The following HMX1 variants were observed in gnomAD, a reference collection of about 807,000 sequenced individuals.
The protein encoded by HMX1 is H6 family homeobox 1.
HMX1 carries 8 observed loss-of-function variants against 8.9 expected under a neutral mutation model. The ratio of observed to expected loss-of-function variants is 0.90; its 90% confidence interval spans 0.53 to 1.63. The LOEUF (loss-of-function observed/expected upper bound fraction) is 1.63, where lower values mean the gene tolerates loss of function less well. HMX1 is among the 40% of genes most tolerant of loss of function. The probability of loss-of-function intolerance (pLI) is 0.00; values close to 1 mark genes in which losing one functional copy is unlikely to be tolerated. For missense variants in HMX1, 621 were observed against 558.5 expected (o/e 1.11, Z -1.13); for synonymous variants, 311 against 283.4 (o/e 1.10, Z -0.98).
chr4:8,855,897 C>A (rs1252430363), intron 1 of HMX1, among the ~76,000 whole-genome samples: 2 of 152,146 alleles, frequency 1.3e-5, no homozygotes, highest in Admixed American at 6.5e-5. Flanking sequence ...GGTTCCTGTA[C>A]GGGGCCAGCC....
Position 8,868,118 on chromosome 4 carries a change from T to C in HMX1, c.622A>G (p.Thr208Ala). Residue 208 changes from threonine to alanine, a missense_variant, in exon 2 of 2, where the codon ACA (threonine) becomes GCA (alanine). By Grantham distance (58) the Thr-to-Ala change is moderately conservative. Transcript: ENST00000400677. The surrounding 1 kb of genome is among the most constrained non-coding windows in gnomAD (Gnocchi z 4.6). ...VGGGRKKKTR[T>A]VFSRSQVFQL... The stretch of plus-strand genomic sequence containing the variant: ...AAGACCTGGCTGCGGGAGAAGACTG[T>C]GCGCGTCTTCTTCTTTCGGCCGCCG... The C allele has an allele frequency of 2.0e-6, 3 of 1,517,542 alleles. No individual in the cohort carries two copies. The highest frequency in any genetic ancestry group is 2.6e-6 in the Non-Finnish European group (3 of 1,136,670). 94.0% of individuals were successfully genotyped at this position (1,517,542 alleles called of 1,614,324 possible).
At chr4:8,869,803 G>T (rs1020244968) in intron 1 of HMX1, among the ~76,000 whole-genome samples, 1 of 152,192 alleles carries the variant, frequency 6.6e-6, no homozygotes, top group East Asian at 1.9e-4. Context: ...ACCCTAACCC[G>T]CATGGCACGA....
At position 8,857,117 on chromosome 4, in the gene HMX1, C is replaced by T. The variant is rs138068314; in HGVS notation, c.395-10793G>A. Among the ~76,000 whole-genome samples the T allele has an allele frequency of 3.5e-4, 54 of 152,322 alleles. No individual in the cohort carries two copies. The East Asian group carries it at 9.3e-3, about 26-fold the overall frequency. ...GAAACTCTGGCTATCTCCAGGTAGT[C>T]GAACTTGGGATGCCTTTTGTTTTCA... On this transcript the variant is annotated intron_variant, in intron 1 of 1. Coordinates refer to the HMX1 transcript ENST00000506970.
intron 1 of HMX1, among the ~76,000 whole-genome samples, chr4:8,852,282 C>T (rs1287330148): frequency 6.6e-6 from 1 of 152,232 alleles, no homozygotes; most frequent in Non-Finnish European, 1.5e-5. Context: ...AGGGAGGTGT[C>T]GAACCTGCTG....
chr4:8,866,189 C>G (rs151048142), downstream of HMX1, among the ~76,000 whole-genome samples: 57 of 152,306 alleles, frequency 3.7e-4, no homozygotes, highest in African/African-American at 1.4e-3. Context: ...TAGAGACACA[C>G]AGATGCACTG....
At chr4:8,862,660 C>T (rs549683665), downstream of HMX1, among the ~76,000 whole-genome samples, 16 of 152,300 alleles carry the variant, frequency 1.1e-4, no homozygotes, top group African/African-American at 3.6e-4. Context: ...CACTCAAAGG[C>T]AGTTGGCTTT....
chr4:8,867,530 G>C lies in HMX1; in HGVS notation c.*163C>G. ...TTACATTCTAGAGGCGCTCCCCACAGAAGCTGAGGCCCGCCCGGCCGCGGC... is the reference window on the plus strand; with the variant it reads ...TTACATTCTAGAGGCGCTCCCCACACAAGCTGAGGCCCGCCCGGCCGCGGC... On this transcript the variant is annotated 3_prime_UTR_variant, in exon 2 of 2. Transcript: ENST00000400677. 8.4e-7 allele frequency: 1 copy of C among 1,187,442 alleles called. No homozygotes were observed. The allele number at this position is 1,187,442 out of a possible 1,614,324, so 73.6% of individuals were successfully genotyped here.
rs1476617581 is a variant in HMX1 at position 8,867,884 on chromosome 4, A to G, written c.856T>C (p.Tyr286His). ...AQRLVRVPVL[Y>H]HESPPAAAAA... ...GCTGCGGCCGGGGGGCTTTCGTGGT[A>G]GAGCACCGGCACGCGGACCAGGCGC... is the stretch of plus-strand genomic sequence containing the variant. The change falls in exon 2 of 2, where the codon TAC becomes CAC. Residue 286 changes from tyrosine (Y) to histidine (H), a missense_variant. Physicochemically the swap from Tyr to His is moderately conservative, Grantham distance 83. Transcript: ENST00000400677. The G allele has an allele frequency of 6.8e-6, 9 of 1,330,296 alleles. No homozygotes were observed. Among genetic ancestry groups the G allele is most frequent in the Non-Finnish European group, 8.7e-6 (9 of 1,039,762 alleles). The allele number at this position is 1,330,296 out of a possible 1,614,324, so 82.4% of individuals were successfully genotyped here.
intron 1 of HMX1, among the ~76,000 whole-genome samples, chr4:8,850,455 G>A (rs754471596): frequency 6.6e-6 from 1 of 152,084 alleles, no homozygotes; most frequent in Non-Finnish European, 1.5e-5. Context: ...CTGACCTCGG[G>A]CTGCAGGATT....
Position 8,867,765 on chromosome 4 carries a change from G to T in HMX1, c.975C>A (p.Ala325=). ...PPLLGFSGAL[A]YPLAAFPAAA... The stretch of plus-strand genomic sequence containing the variant: ...CGGCCGGGAAGGCGGCCAGCGGGTA[G>T]GCGAGGGCCCCGGAGAAGCCGAGCA... Residue 325 remains alanine (A), a synonymous_variant, in exon 2 of 2, where the codon GCC becomes GCA. Coordinates refer to ENST00000400677, the MANE Select transcript of HMX1 (RefSeq NM_018942.3). 7.8e-7 allele frequency: 1 copy of T among 1,281,280 alleles called. No homozygotes were observed. The allele number at this position is 1,281,280 out of a possible 1,614,324, so 79.4% of individuals were successfully genotyped here.
At chr4:8,854,945 T>A (rs1721563724) in intron 1 of HMX1, among the ~76,000 whole-genome samples, 1 of 152,184 alleles carries the variant, frequency 6.6e-6, no homozygotes. Flanking sequence ...TCCTAGCACA[T>A]GAGAAGCACT....
In HMX1 at chr4:8,848,119, T is replaced by C. The variant is rs1721332108; in HGVS notation, c.395-1795A>G. Among the ~76,000 whole-genome samples, 1 of 152,224 alleles carries C rather than the reference T, an allele frequency of 6.6e-6. No individual in the cohort carries two copies. The highest frequency in any genetic ancestry group is 6.5e-5 in the Admixed American group (1 of 15,284). On this transcript the variant is annotated intron_variant, in intron 1 of 1. Transcript: ENST00000506970. This position sits in a 1 kb window ranked among gnomAD's most constrained non-coding sequence, Gnocchi z 4.1. ...GCTTTTTCAACTGTAAATCTTATGA[T>C]AGCTAAATTCAGATCAAGTATTTCC...
chr4:8,864,490 T>C (rs190424108), downstream of HMX1, among the ~76,000 whole-genome samples: 584 of 152,288 alleles, frequency 3.8e-3, 9 homozygotes, highest in East Asian at 0.029. Context: ...CCATTCATCT[T>C]CTGCCAGTGG....
At chr4:8,846,200 A>G in exon 2 of HMX1, 3 of 1,429,888 alleles carry the variant, frequency 2.1e-6, no homozygotes, top group Non-Finnish European at 1.9e-6. Context: ...TGCACCATCC[A>G]GTCCCTGCGG....
rs918576232 is a variant in HMX1 at position 8,848,568 on chromosome 4, T to C, written c.395-2244A>G. Among the ~76,000 whole-genome samples, 2 of 152,208 alleles carry C rather than the reference T, an allele frequency of 1.3e-5. No individual in the cohort carries two copies. The highest frequency in any genetic ancestry group is 2.4e-5 in the African/African-American group (1 of 41,452). ...AGTAAGTTGCCTGGGTCACACAGCA[T>C]GTGGATGGAGCTGGGCCCATAACTT... On this transcript the variant is annotated intron_variant, in intron 1 of 1. Coordinates refer to the HMX1 transcript ENST00000506970. The surrounding 1 kb of genome is among the most constrained non-coding windows in gnomAD (Gnocchi z 4.1).
At chr4:8,856,492 AG>A (rs1259305709) in intron 1 of HMX1, among the ~76,000 whole-genome samples, 1 of 152,110 alleles carries the variant, frequency 6.6e-6, no homozygotes, top group Non-Finnish European at 1.5e-5. Context: ...GGGCAGGGGA[AG>A]GGGAGGAAGA....
At chr4:8,869,280 G>A (rs1489842958) in intron 1 of HMX1, among the ~76,000 whole-genome samples, 1 of 152,220 alleles carries the variant, frequency 6.6e-6, no homozygotes, top group African/African-American at 2.4e-5. Flanking sequence ...AGGTTAAAGA[G>A]GCCAGCCGGG....
In HMX1 at chr4:8,867,935, C is replaced by T; in HGVS notation, c.805G>A (p.Ala269Thr). The T allele has an allele frequency of 3.4e-6, 5 of 1,459,634 alleles. No individual in the cohort carries two copies. The South Asian group carries it at 4.1e-5, about 12-fold the overall frequency. The allele number at this position is 1,459,634 out of a possible 1,614,324, so 90.4% of individuals were successfully genotyped here. A position where few individuals can be genotyped will look rare whatever the true frequency, so the allele number is the denominator to read the frequency against. The change falls in exon 2 of 2, where the codon GCC becomes ACC. Residue 269 changes from alanine to threonine, a missense_variant. Ala to Thr is a moderately conservative substitution (Grantham distance 58). Transcript: ENST00000400677. ...TGCGCTCCCGGCGGGGACAGGCTGG[C>T]CGCCTCCAGCTCGGCTGCCAGCTGC... ...KRQLAAELEA[A>T]SLSPPGAQRL...
intron 1 of HMX1, among the ~76,000 whole-genome samples, chr4:8,869,668 C>T (rs1279871536): frequency 6.6e-6 from 1 of 152,178 alleles, no homozygotes; most frequent in Non-Finnish European, 1.5e-5. Context: ...AGTCAGGCAG[C>T]AGGTTGTGGT....
Sources: gnomAD v4.1 joint callset for allele counts (sites outside exome capture counted in the v4.1 genomes callset) on GRCh38, gnomAD v4.1.1 for gene constraint, Gnocchi (gnomAD v3.1) non-coding constraint, MANE v1.5 for transcripts, NCBI Gene and HGNC (gene_info 2026-07-23, HGNC 2026-07-21) for gene names.